Variants in PARD3B observed in about 807,000 individuals in gnomAD.
PARD3B encodes the protein partitioning defective 3 homolog B.
A neutral mutation model predicts 130.2 loss-of-function variants in PARD3B; 103 were observed. That is an observed-to-expected ratio of 0.79 (90% confidence interval 0.67 to 0.93). The LOEUF (loss-of-function observed/expected upper bound fraction) is 0.93. Ranked by LOEUF, PARD3B falls within the 40% of genes least tolerant of loss-of-function variation. The pLI is 0.00. For synonymous variants in PARD3B, 583 were observed against 553.2 expected, an observed-to-expected ratio of 1.05 and a Z score of -0.76; for missense variants, 1,609 against 1,499.2, an observed-to-expected ratio of 1.07 and a Z score of -1.21.
At chr2:204,706,055 AAGG>A (rs1457768862) in intron 2 of PARD3B, among the ~76,000 whole-genome samples, 6 of 152,110 alleles carry the variant, frequency 3.9e-5, no homozygotes, top group African/African-American at 1.4e-4. Flanking sequence ...TTAGAAGAAA[AAGG>A]AGTGTAGTTT....
chr2:205,004,110 A>G (rs1381286716), intron 3 of PARD3B, among the ~76,000 whole-genome samples: 2 of 152,200 alleles, frequency 1.3e-5, no homozygotes, highest in Non-Finnish European at 2.9e-5. Context: ...TGACAAGGCA[A>G]TGGAAGAGTG....
intron 2 of PARD3B, among the ~76,000 whole-genome samples, chr2:204,872,306 A>G (rs963519268): frequency 2.0e-5 from 3 of 152,042 alleles, no homozygotes; most frequent in African/African-American, 4.8e-5. Context: ...ATATATATGT[A>G]TGCATATAAT....
Position 205,301,478 on chromosome 2 carries a change from A to G in PARD3B, c.2407A>G (p.Lys803Glu). The G allele has an allele frequency of 1.2e-6, 2 of 1,612,060 alleles. No homozygotes were observed. Among genetic ancestry groups the G allele is most frequent in the Non-Finnish European group, 1.7e-6 (2 of 1,179,472 alleles). ...TCTCTGTACAGACGGTCTGTCTGAT[A>G]AGAGCTCTCACTCTGGCCAAGGAGC... ...EEIEADGLSD[K>E]SSHSGQGALN... The change falls in exon 18 of 23, where the codon AAG (lysine) becomes GAG (glutamate). Residue 803 changes from lysine (K) to glutamate (E), a missense_variant. Lys to Glu is a moderately conservative substitution (Grantham distance 56). Transcript: ENST00000406610. This position sits in a 1 kb window ranked among gnomAD's most constrained non-coding sequence, Gnocchi z 5.2.
chr2:204,884,625 C>T (rs886283485), intron 2 of PARD3B, among the ~76,000 whole-genome samples: 3 of 152,140 alleles, frequency 2.0e-5, no homozygotes, highest in Non-Finnish European at 4.4e-5. Flanking sequence ...GCCCCAGCAA[C>T]AGGCCCCAGT....
chr2:205,534,353 G>A (rs1375099249), intron 21 of PARD3B, among the ~76,000 whole-genome samples: 1 of 152,208 alleles, frequency 6.6e-6, no homozygotes, highest in Non-Finnish European at 1.5e-5. Context: ...AGAAGGCTAA[G>A]GGAGCAAGAT....
At chr2:204,585,535 G>T (rs1400398860) in intron 1 of PARD3B, among the ~76,000 whole-genome samples, 12 of 150,400 alleles carry the variant, frequency 8.0e-5, no homozygotes, top group Admixed American at 5.3e-4. Flanking sequence ...GTGGAGACAG[G>T]GTTCAGCTAT....
intron 20 of PARD3B, among the ~76,000 whole-genome samples, chr2:205,481,015 A>G (rs1317286073): frequency 6.6e-6 from 1 of 152,146 alleles, no homozygotes; most frequent in Non-Finnish European, 1.5e-5. Flanking sequence ...AGAGTGAGAA[A>G]GAATCTCTCT....
At chr2:205,202,900 A>G (rs537711360) in intron 15 of PARD3B, among the ~76,000 whole-genome samples, 1 of 152,286 alleles carries the variant, frequency 6.6e-6, no homozygotes, top group Admixed American at 6.5e-5. Flanking sequence ...AAATTCTCCT[A>G]AAGTTAAGTA....
At chr2:204,779,312 C>T (rs377101516) in intron 2 of PARD3B, among the ~76,000 whole-genome samples, 1 of 152,014 alleles carries the variant, frequency 6.6e-6, no homozygotes, top group African/African-American at 2.4e-5. Flanking sequence ...GTCCTCAGTG[C>T]AGTGTCTAAT....
At chr2:205,607,239 GAA>G (rs149442943) in intron 22 of PARD3B, among the ~76,000 whole-genome samples, 22 of 143,610 alleles carry the variant, frequency 1.5e-4, no homozygotes, top group Non-Finnish European at 1.8e-4. Context: ...GTACCCATTG[GAA>G]AAAAAAAAAA....
At chr2:204,811,470 G>A (rs916089411) in intron 2 of PARD3B, among the ~76,000 whole-genome samples, 1 of 152,132 alleles carries the variant, frequency 6.6e-6, no homozygotes, top group African/African-American at 2.4e-5. Context: ...GAAAGACATA[G>A]AAGTTGACAT....
intron 2 of PARD3B, among the ~76,000 whole-genome samples, chr2:204,841,232 C>T (rs140203776): frequency 1.7e-3 from 258 of 152,160 alleles, no homozygotes; most frequent in African/African-American, 5.8e-3. Flanking sequence ...GGAGAGGTTA[C>T]TAGTGCATGG....
At chr2:205,198,867 T>C (rs1263734862) in intron 15 of PARD3B, among the ~76,000 whole-genome samples, 1 of 151,938 alleles carries the variant, frequency 6.6e-6, no homozygotes, top group Non-Finnish European at 1.5e-5. Flanking sequence ...TATATTTTAC[T>C]ATTTTTATTT....
chr2:205,521,922 C>G (rs2051077520), intron 21 of PARD3B, among the ~76,000 whole-genome samples: 1 of 152,042 alleles, frequency 6.6e-6, no homozygotes, highest in African/African-American at 2.4e-5. Context: ...AAATATCTAA[C>G]TTGATCCTCT....
intron 1 of PARD3B, among the ~76,000 whole-genome samples, chr2:204,601,836 A>T (rs1215308216): frequency 1.3e-5 from 2 of 152,000 alleles, no homozygotes; most frequent in Non-Finnish European, 2.9e-5. Context: ...TCAAATAGGT[A>T]GTTTCTCTTC....
intron 2 of PARD3B, among the ~76,000 whole-genome samples, chr2:204,780,997 T>C (rs1445721116): frequency 6.6e-6 from 1 of 152,172 alleles, no homozygotes; most frequent in Admixed American, 6.6e-5. Context: ...TGTACAATGC[T>C]TTGCATATCA....
At position 204,664,446 on chromosome 2, in the gene PARD3B, T is replaced by G. The variant is rs146101322; in HGVS notation, c.121-21735T>G. Among the ~76,000 whole-genome samples, 3 of 152,330 alleles carry G rather than the reference T, an allele frequency of 2.0e-5. No homozygotes were observed. The highest frequency in any genetic ancestry group is 6.5e-5 in the Admixed American group (1 of 15,292). On this transcript the variant is annotated intron_variant, in intron 1 of 22. Coordinates refer to ENST00000406610, the MANE Select transcript of PARD3B (RefSeq NM_001302769.2). This position sits in a 1 kb window ranked among gnomAD's most constrained non-coding sequence, Gnocchi z 5.2. ...TTTTGCCAGACGGGGCATAACTAAA[T>G]GCTTACCACCCTCCCTGAAAGTTAG...
chr2:204,926,397 T>C (rs948931480), intron 2 of PARD3B, among the ~76,000 whole-genome samples: 2 of 152,150 alleles, frequency 1.3e-5, no homozygotes, highest in African/African-American at 4.8e-5. Flanking sequence ...GCAACTTCTT[T>C]TCTCCTAAAG....
At chr2:205,319,708 T>C (rs1374300637) in intron 18 of PARD3B, among the ~76,000 whole-genome samples, 1 of 152,200 alleles carries the variant, frequency 6.6e-6, no homozygotes, top group African/African-American at 2.4e-5. Context: ...TTGCTCATAG[T>C]GTACATTCAA....
Sources: allele counts gnomAD v4.1 joint callset (sites outside exome capture counted in the v4.1 genomes callset), GRCh38; gene constraint gnomAD v4.1.1; non-coding constraint Gnocchi (gnomAD v3.1); transcripts MANE v1.5; gene names NCBI Gene and HGNC (gene_info 2026-07-23, HGNC 2026-07-21).